CFAP70: variants seen among roughly 807,000 people sequenced by gnomAD.
CFAP70 encodes the protein cilia and flagella associated protein 70, also known as cilia- and flagella-associated protein 70.
Under a neutral mutation model 137.6 loss-of-function variants are expected in CFAP70, and 81 were observed. That is an observed-to-expected ratio of 0.59 (90% CI 0.49 to 0.71). CFAP70 has a LOEUF of 0.71. CFAP70 is among the 30% of genes least tolerant of loss of function. The pLI is 0.00. For missense variants in CFAP70, 976 were observed against 1,226.7 expected (o/e 0.80, Z 3.05); for synonymous variants, 382 against 423.6 (o/e 0.90, Z 1.20).
At chr10:73,293,879 A>C (rs962772925) in intron 15 of CFAP70, 1 of 152,338 alleles carries the variant, frequency 6.6e-6, no homozygotes, top group Non-Finnish European at 1.5e-5. Context: ...ATATAGACTG[A>C]TAGATCCTTC....
At chr10:73,291,927 C>T (rs2048209070) in exon 17 of CFAP70, 1 of 1,614,218 alleles carries the variant, frequency 6.2e-7, no homozygotes, top group East Asian at 2.2e-5. Context: ...TGAAAACACT[C>T]TTGTGCTTTG....
intron 8 of CFAP70, among the ~76,000 whole-genome samples, chr10:73,325,754 TGGTAAA>T (rs1358247978): frequency 6.6e-6 from 1 of 151,952 alleles, no homozygotes; most frequent in Non-Finnish European, 1.5e-5. Flanking sequence ...CATTACATAA[TGGTAAA>T]GGGATCAATT....
intron 9 of CFAP70, among the ~76,000 whole-genome samples, chr10:73,317,208 G>A (rs551249080): frequency 6.6e-6 from 1 of 152,192 alleles, no homozygotes; most frequent in Admixed American, 6.5e-5. Context: ...AGTAGATACA[G>A]GGTTGCATCA....
chr10:73,348,657 C>T (rs2053933271), intron 3 of CFAP70, 136 bp from the exon 4 acceptor site: 2 of 591,418 alleles, frequency 3.4e-6, no homozygotes, highest in African/African-American at 1.9e-5. Context: ...GCACCAACAT[C>T]ACTGACTTCT....
chr10:73,310,633 TCA>T (rs137855274), intron 11 of CFAP70, among the ~76,000 whole-genome samples: 2 of 152,330 alleles, frequency 1.3e-5, no homozygotes, highest in Non-Finnish European at 2.9e-5. Flanking sequence ...ACATTCCCAC[TCA>T]CAGTCTCCTC....
upstream of CFAP70, among the ~76,000 whole-genome samples, chr10:73,362,871 C>T (rs193271312): frequency 2.7e-4 from 41 of 151,510 alleles, no homozygotes; most frequent in South Asian, 1.5e-3. Context: ...AAGCTTTCAA[C>T]GTGTCCTCAT....
At chr10:73,358,464 T>TGAGGAGGC (rs1160421934) in intron 1 of CFAP70, among the ~76,000 whole-genome samples, 1 of 152,186 alleles carries the variant, frequency 6.6e-6, no homozygotes, top group African/African-American at 2.4e-5. Flanking sequence ...CAGCGCAGAA[T>TGAGGAGGC]GAGGAGGCCT....
At chr10:73,272,031 A>AT (rs2046355574) in intron 24 of CFAP70, among the ~76,000 whole-genome samples, 3 of 152,258 alleles carry the variant, frequency 2.0e-5, no homozygotes, top group African/African-American at 7.2e-5. Context: ...TAATGAACAC[A>AT]TATTATCTTT....
intron 7 of CFAP70, 49 bp from the exon 9 acceptor site, chr10:73,331,325 A>C (rs2052053324): frequency 3.5e-6 from 5 of 1,448,652 alleles, no homozygotes; most frequent in African/African-American, 1.4e-5. Flanking sequence ...AAATAAAGTC[A>C]GTATAATTTA....
chr10:73,351,029 GTA>G (rs2054172333), intron 3 of CFAP70, among the ~76,000 whole-genome samples: 1 of 137,000 alleles, frequency 7.3e-6, no homozygotes, highest in African/African-American at 2.7e-5. Context: ...ATATATATGT[GTA>G]TATGTGTGTA....
At chr10:73,332,000 G>A (rs2052155106) in intron 7 of CFAP70, among the ~76,000 whole-genome samples, 1 of 152,086 alleles carries the variant, frequency 6.6e-6, no homozygotes, top group South Asian at 2.1e-4. Context: ...CAAGAAAAAA[G>A]TTGATCGAAT....
At chr10:73,288,762 A>G (rs1309491437) in intron 19 of CFAP70, among the ~76,000 whole-genome samples, 1 of 152,256 alleles carries the variant, frequency 6.6e-6, no homozygotes, top group African/African-American at 2.4e-5. Context: ...ACCAGACTAT[A>G]GAACTTGGAA....
At chr10:73,342,737 A>T (rs2053355287) in intron 5 of CFAP70, among the ~76,000 whole-genome samples, 1 of 152,132 alleles carries the variant, frequency 6.6e-6, no homozygotes, top group Non-Finnish European at 1.5e-5. Flanking sequence ...TAGCAACAAC[A>T]AAAAAAGAGT....
intron 8 of CFAP70, among the ~76,000 whole-genome samples, chr10:73,326,212 T>C (rs937407008): frequency 2.0e-5 from 3 of 151,984 alleles, no homozygotes; most frequent in Non-Finnish European, 4.4e-5. Flanking sequence ...ACATGGAAAC[T>C]GAACAACCTG....
intron 19 of CFAP70, among the ~76,000 whole-genome samples, chr10:73,284,559 T>C (rs1260751671): frequency 2.0e-5 from 3 of 151,452 alleles, no homozygotes; most frequent in Non-Finnish European, 4.4e-5. Context: ...TTGTTCTCTC[T>C]GCTTTTTATT....
intron 1 of CFAP70, among the ~76,000 whole-genome samples, chr10:73,355,771 G>A (rs1279553803): frequency 2.0e-5 from 3 of 152,080 alleles, no homozygotes; most frequent in Non-Finnish European, 2.9e-5. Context: ...GAGTGACTCC[G>A]TCTCAAAACA....
intron 19 of CFAP70, among the ~76,000 whole-genome samples, chr10:73,283,210 A>G (rs1240524784): frequency 1.3e-5 from 2 of 152,148 alleles, no homozygotes; most frequent in African/African-American, 4.8e-5. Context: ...CATACATTGT[A>G]TGATTTCAAT....
At chr10:73,344,113 C>T (rs1240768717) in intron 5 of CFAP70, among the ~76,000 whole-genome samples, 1 of 152,108 alleles carries the variant, frequency 6.6e-6, no homozygotes, top group Non-Finnish European at 1.5e-5. Flanking sequence ...CAGGCACCCA[C>T]CACCATACCC....
rs980174027 is a variant in CFAP70, at chr10:73,297,261, C to A, written c.1513-88G>T. 3 of 1,385,288 alleles carry A rather than the reference C, an allele frequency of 2.2e-6. No individual in the cohort carries two copies. In the African/African-American group the frequency reaches 4.4e-5, roughly 20 times the overall value. 85.8% of individuals were successfully genotyped at this position (1,385,288 alleles called of 1,614,324 possible). On this transcript the variant is annotated intron_variant, in intron 14 of 26. Coordinates refer to ENST00000310715, the Ensembl canonical transcript of CFAP70. ...CTCTCTAGGGCTTTCTGGTCTAAAG[C>A]TGATCAAAATTTCAGAAAGCGATTG...
Sources: gnomAD v4.1 joint callset for allele counts (sites outside exome capture counted in the v4.1 genomes callset) on GRCh38, gnomAD v4.1.1 for gene constraint, MANE v1.5 for transcripts, NCBI Gene and HGNC (gene_info 2026-07-23, HGNC 2026-07-21) for gene names.